Variants in COL10A1 observed in about 807,000 individuals in gnomAD.
The protein encoded by COL10A1 is collagen type X alpha 1 chain, also known as collagen alpha-1(X) chain.
A neutral mutation model predicts 18.2 loss-of-function variants in COL10A1; 10 were observed. The observed-to-expected ratio is 0.55, with a 90% confidence interval of 0.34 to 0.93. COL10A1 has a LOEUF of 0.93. COL10A1 is among the 40% of genes least tolerant of loss of function. The probability of loss-of-function intolerance (pLI) is 0.02; values close to 1 mark genes in which losing one functional copy is unlikely to be tolerated. For missense variants in COL10A1, 897 were observed against 853.5 expected, an observed-to-expected ratio of 1.05 and a Z score of -0.64; for synonymous variants, 330 against 316.6, an observed-to-expected ratio of 1.04 and a Z score of -0.45.
the COL10A1 span, among the ~76,000 whole-genome samples, chr6:116,193,808 C>A: frequency 6.6e-6 from 1 of 151,966 alleles, no homozygotes; most frequent in East Asian, 1.9e-4. Flanking sequence ...CAATGGCTCA[C>A]ACCTATAATC....
chr6:116,121,137 GC>G lies in COL10A1; in HGVS notation c.978del (p.Pro327GlnfsTer10). The G allele has an allele frequency of 6.2e-7, 1 of 1,613,418 alleles. No individual in the cohort carries two copies. Among genetic ancestry groups the G allele is most frequent in the Non-Finnish European group, 8.5e-7 (1 of 1,179,672 alleles). On this transcript the variant is annotated frameshift_variant, in exon 3 of 3. Coordinates refer to ENST00000651968, the MANE Select transcript of COL10A1 (RefSeq NM_000493.4). LOFTEE classifies it high-confidence loss of function. ...PGGPGAKGEQ[G>X]PAGLPGKPGL... ...CCTGGCTTCCCAGGAAGACCTGCTGGCCCTTGTTCCCCTTTGGCACCTGGAC... is the reference window on the plus strand; with the variant it reads ...CCTGGCTTCCCAGGAAGACCTGCTGGCCTTGTTCCCCTTTGGCACCTGGAC...
intron 1 of COL10A1, among the ~76,000 whole-genome samples, chr6:116,153,977 A>G (rs1429572708): frequency 6.6e-6 from 1 of 151,866 alleles, no homozygotes; most frequent in African/African-American, 2.4e-5. Context: ...TGGAAAATGC[A>G]TGGTTCATCT....
chr6:116,164,560 A>G, the COL10A1 span, among the ~76,000 whole-genome samples: 785 of 152,182 alleles, frequency 5.2e-3, 3 homozygotes, highest in Non-Finnish European at 9.0e-3. Flanking sequence ...TATCTCTTTC[A>G]AGTATTTATG....
chr6:116,193,321 A>C, the COL10A1 span, among the ~76,000 whole-genome samples: 1 of 152,106 alleles, frequency 6.6e-6, no homozygotes, highest in Non-Finnish European at 1.5e-5. Flanking sequence ...CCTATAAATA[A>C]AAAATTAGGA....
At chr6:116,208,009 A>G in the COL10A1 span, among the ~76,000 whole-genome samples, 1 of 152,090 alleles carries the variant, frequency 6.6e-6, no homozygotes, top group East Asian at 1.9e-4. Flanking sequence ...TAGAAGAAAC[A>G]CAGTGAAAGT....
the COL10A1 span, among the ~76,000 whole-genome samples, chr6:116,168,687 A>T: frequency 6.6e-6 from 1 of 151,486 alleles, no homozygotes; most frequent in South Asian, 2.1e-4. Context: ...TTTTTTATTG[A>T]TACTAGCTAT....
intron 1 of COL10A1, among the ~76,000 whole-genome samples, chr6:116,152,344 C>T (rs534788920): frequency 6.6e-6 from 1 of 152,256 alleles, no homozygotes; most frequent in African/African-American, 2.4e-5. Flanking sequence ...ACTCCCATTC[C>T]TTTCTTTCTG....
intron 1 of COL10A1, among the ~76,000 whole-genome samples, chr6:116,138,982 C>T (rs1046426341): frequency 1.3e-5 from 2 of 151,960 alleles, no homozygotes. Context: ...ATAATTGCAG[C>T]AGAGTAGAAC....
At position 116,120,302 on chromosome 6, in the gene COL10A1, A is replaced by C. The variant is rs1381077911; in HGVS notation, c.1814T>G (p.Val605Gly). Residue 605 changes from valine (V) to glycine (G), a missense_variant, in exon 3 of 3, where the codon GTG becomes GGG. Physicochemically the swap from Val to Gly is moderately radical, Grantham distance 109. Coordinates refer to ENST00000651968, the MANE Select transcript of COL10A1 (RefSeq NM_000493.4). ...GCCTACCCAAACATGAGTCCCTTTC[A>C]CATGCACGTGGTATGAAAAATAGTA... ...GIYYFSYHVH[V>G]KGTHVWVGLY... 8.7e-6 allele frequency: 14 copies of C among 1,614,136 alleles called. No homozygotes were observed. The highest frequency in any genetic ancestry group is 1.2e-5 in the Non-Finnish European group (14 of 1,180,050).
At chr6:116,146,675 T>G (rs913463968) in intron 1 of COL10A1, among the ~76,000 whole-genome samples, 2 of 152,200 alleles carry the variant, frequency 1.3e-5, no homozygotes, top group African/African-American at 2.4e-5. Context: ...TTCTTAAACT[T>G]AAGTATGCTA....
upstream of COL10A1, among the ~76,000 whole-genome samples, chr6:116,128,046 T>A (rs1253427142): frequency 6.6e-6 from 1 of 152,154 alleles, no homozygotes; most frequent in Non-Finnish European, 1.5e-5. Flanking sequence ...CATGGTCAGA[T>A]GGTAGACTTG....
At chr6:116,197,043 G>T in the COL10A1 span, among the ~76,000 whole-genome samples, 1 of 151,574 alleles carries the variant, frequency 6.6e-6, no homozygotes, top group Non-Finnish European at 1.5e-5. Context: ...AGCTGTGTGT[G>T]TCCATCAGAG....
chr6:116,186,614 T>C, the COL10A1 span, among the ~76,000 whole-genome samples: 1 of 152,094 alleles, frequency 6.6e-6, no homozygotes, highest in African/African-American at 2.4e-5. Flanking sequence ...ATTGAGTTAA[T>C]TTGAAAGCCT....
the COL10A1 span, among the ~76,000 whole-genome samples, chr6:116,173,514 G>C: frequency 6.6e-6 from 1 of 152,096 alleles, no homozygotes; most frequent in African/African-American, 2.4e-5. Flanking sequence ...TTCACTTCAT[G>C]TAGAGGGTTC....
the COL10A1 span, among the ~76,000 whole-genome samples, chr6:116,191,030 C>A: frequency 6.6e-6 from 1 of 151,908 alleles, no homozygotes; most frequent in African/African-American, 2.4e-5. Context: ...AAGTGACTTC[C>A]CCGAAGTTGC....
the COL10A1 span, among the ~76,000 whole-genome samples, chr6:116,170,390 G>A: frequency 2.6e-5 from 4 of 152,122 alleles, no homozygotes; most frequent in Non-Finnish European, 5.9e-5. Flanking sequence ...CACGTAGTTG[G>A]TGTGCTTGTA....
upstream of COL10A1, among the ~76,000 whole-genome samples, chr6:116,161,629 A>C (rs1780332305): frequency 6.6e-6 from 1 of 152,172 alleles, no homozygotes; most frequent in Admixed American, 6.5e-5. Context: ...TGGTTACATT[A>C]GACTTGTAGT....
the COL10A1 span, among the ~76,000 whole-genome samples, chr6:116,211,358 G>T: frequency 1.3e-5 from 2 of 151,990 alleles, no homozygotes; most frequent in Non-Finnish European, 2.9e-5. Context: ...AAGCCATCAT[G>T]TTTGAGGTGG....
chr6:116,163,537 CT>C (rs1562146023), upstream of COL10A1, among the ~76,000 whole-genome samples: 1 of 151,850 alleles, frequency 6.6e-6, no homozygotes, highest in African/African-American at 2.4e-5. Flanking sequence ...AGTTAGTAGT[CT>C]ATCAATTTTT....
Sources: gnomAD v4.1 joint callset for allele counts (sites outside exome capture counted in the v4.1 genomes callset) on GRCh38, gnomAD v4.1.1 for gene constraint, MANE v1.5 for transcripts, NCBI Gene and HGNC (gene_info 2026-07-23, HGNC 2026-07-21) for gene names.